PFKFB3: variants seen among roughly 807,000 people sequenced by gnomAD.
PFKFB3 encodes 6-phosphofructo-2-kinase/fructose-2,6-biphosphatase 3, also known as 6-phosphofructo-2-kinase/fructose-2,6-bisphosphatase 3.
A neutral mutation model predicts 68.0 loss-of-function variants in PFKFB3; 33 were observed. That is an observed-to-expected ratio of 0.49 (90% CI 0.37 to 0.65). PFKFB3 has a LOEUF of 0.65. PFKFB3 is among the 30% of genes least tolerant of loss of function. The pLI is 0.00. For synonymous variants in PFKFB3, 315 were observed against 288.2 expected, an observed-to-expected ratio of 1.09 and a Z score of -0.94; for missense variants, 586 against 712.2, an observed-to-expected ratio of 0.82 and a Z score of 2.02.
chr10:6,174,423 C>A (rs2148288), intron 1 of PFKFB3, among the ~76,000 whole-genome samples: 2 of 152,094 alleles, frequency 1.3e-5, no homozygotes, highest in African/African-American at 4.8e-5. Flanking sequence ...TGCCTGGCCA[C>A]GTCACACTGG....
At chr10:6,218,363 G>C (rs1452654297) in intron 6 of PFKFB3, among the ~76,000 whole-genome samples, 1 of 146,218 alleles carries the variant, frequency 6.8e-6, no homozygotes. Flanking sequence ...TTTTTAAATT[G>C]TGGTAAAATA....
chr10:6,289,198 CTTTAG>C, the PFKFB3 span, among the ~76,000 whole-genome samples: 1 of 134,670 alleles, frequency 7.4e-6, no homozygotes, highest in Non-Finnish European at 1.6e-5. Flanking sequence ...TGCAGAAGCT[CTTTAG>C]TTTAATTAGA....
the PFKFB3 span, among the ~76,000 whole-genome samples, chr10:6,295,023 T>C: frequency 2.0e-5 from 3 of 151,806 alleles, no homozygotes; most frequent in African/African-American, 7.3e-5. Flanking sequence ...AAGTCAGATA[T>C]GATGTATTGG....
Position 6,154,675 on chromosome 10 carries a change from G to A in PFKFB3, c.16+9662G>A, listed in dbSNP as rs996364306. 1.3e-5 allele frequency among the ~76,000 whole-genome samples: 2 copies of A among 152,224 alleles called. No individual in the cohort carries two copies. The highest frequency in any genetic ancestry group is 6.5e-5 in the Admixed American group (1 of 15,282). ...CTCTGGGCCTGCTGCAGGTGGCTGC[G>A]ATCAGGGTGGTGTTGGGGGTGGCTG... On this transcript the variant is annotated intron_variant, in intron 1 of 14. Coordinates refer to the PFKFB3 transcript ENST00000379789. The surrounding 1 kb of genome is among the most constrained non-coding windows in gnomAD (Gnocchi z 4.6).
At chr10:6,180,945 A>T (rs1842695311) in intron 1 of PFKFB3, among the ~76,000 whole-genome samples, 1 of 152,220 alleles carries the variant, frequency 6.6e-6, no homozygotes, top group Admixed American at 6.5e-5. Context: ...ATACCTCTTT[A>T]AAAGATAAAG....
At chr10:6,219,734 G>A (rs1452112709) in intron 7 of PFKFB3, 41 bp downstream of exon 7, 1 of 1,598,130 alleles carries the variant, frequency 6.3e-7, no homozygotes, top group Admixed American at 1.7e-5. Context: ...ACCCACATGA[G>A]GGTTCTTACT....
At chr10:6,169,875 T>C (rs1280449915) in intron 1 of PFKFB3, among the ~76,000 whole-genome samples, 1 of 152,228 alleles carries the variant, frequency 6.6e-6, no homozygotes, top group Non-Finnish European at 1.5e-5. Flanking sequence ...GTGTATTTCC[T>C]TAAACCTTTC....
chr10:6,209,529 A>G (rs983225671), intron 1 of PFKFB3, among the ~76,000 whole-genome samples: 5 of 151,862 alleles, frequency 3.3e-5, no homozygotes, highest in Admixed American at 6.6e-5. Context: ...GCTGGAGTGC[A>G]TTGGTACAAT....
rs892980743 is a variant in PFKFB3 at position 6,234,743 on chromosome 10, C to T, written c.*1801C>T. 6.6e-6 allele frequency: 1 copy of T among 152,298 alleles called. No homozygotes were observed. Among genetic ancestry groups the T allele is most frequent in the Non-Finnish European group, 1.5e-5 (1 of 68,038 alleles). 9.4% of individuals were successfully genotyped at this position (152,298 alleles called of 1,614,324 possible). ...GTTGCTTTGCTCTTGAGAATAGTTT[C>T]TCGTGTCCCCCTCGCAGGCCTCATT... On this transcript the variant is annotated 3_prime_UTR_variant, in exon 15 of 15. Transcript: ENST00000379775.
chr10:6,146,339 G>A (rs530198466), intron 1 of PFKFB3: 33 of 1,530,148 alleles, frequency 2.2e-5, no homozygotes, highest in Non-Finnish European at 2.5e-5. Context: ...GGCGGTGAAG[G>A]GGGTGGCTGC....
the PFKFB3 span, among the ~76,000 whole-genome samples, chr10:6,268,822 G>A: frequency 2.0e-5 from 3 of 151,272 alleles, no homozygotes; most frequent in African/African-American, 4.9e-5. Flanking sequence ...AGGAGTTCGA[G>A]ACCAGCCTAG....
At chr10:6,183,601 CAA>C (rs773888395) in intron 1 of PFKFB3, among the ~76,000 whole-genome samples, 5,610 of 127,664 alleles carry the variant, frequency 0.044, 107 homozygotes, top group Middle Eastern at 0.063. Flanking sequence ...CCAGCCTGGT[CAA>C]AAAAAAAAAA....
intron 1 of PFKFB3, among the ~76,000 whole-genome samples, chr10:6,171,439 G>A (rs1842310450): frequency 6.8e-6 from 1 of 147,312 alleles, no homozygotes; most frequent in African/African-American, 2.5e-5. Flanking sequence ...TCTGTTGCTC[G>A]GGTTGAAGTG....
At chr10:6,192,624 A>G (rs989615816) in intron 1 of PFKFB3, among the ~76,000 whole-genome samples, 5 of 151,034 alleles carry the variant, frequency 3.3e-5, no homozygotes, top group African/African-American at 1.2e-4. Context: ...GTCCTGGGTT[A>G]GGAAACTCAG....
the PFKFB3 span, among the ~76,000 whole-genome samples, chr10:6,281,665 T>G: frequency 1.3e-5 from 2 of 152,120 alleles, no homozygotes; most frequent in Non-Finnish European, 2.9e-5. Flanking sequence ...TTCTTTCTTT[T>G]CTATGCTTTT....
At chr10:6,317,422 C>T in the PFKFB3 span, among the ~76,000 whole-genome samples, 1 of 152,144 alleles carries the variant, frequency 6.6e-6, no homozygotes, top group African/African-American at 2.4e-5. Context: ...AAGCTGGCAT[C>T]TTAGGCTAAA....
At chr10:6,254,097 C>CT (rs34789693) in intron 14 of PFKFB3, 24,876 of 329,792 alleles carry the variant, frequency 0.075, 1,547 homozygotes, top group African/African-American at 0.21. Flanking sequence ...TTTCAGATGG[C>CT]TTTTTTTTTT....
intron 1 of PFKFB3, among the ~76,000 whole-genome samples, chr10:6,158,499 A>G (rs1287789253): frequency 6.6e-6 from 1 of 152,128 alleles, no homozygotes; most frequent in Non-Finnish European, 1.5e-5. Flanking sequence ...CCCCTCACAC[A>G]TTGCTGGTGG....
At chr10:6,268,040 A>C in the PFKFB3 span, among the ~76,000 whole-genome samples, 1 of 151,384 alleles carries the variant, frequency 6.6e-6, no homozygotes, top group Non-Finnish European at 1.5e-5. Context: ...TGTCCTGAGC[A>C]TGGGGCCCTG....
Sources: gnomAD v4.1 joint callset for allele counts (sites outside exome capture counted in the v4.1 genomes callset) on GRCh38, gnomAD v4.1.1 for gene constraint, Gnocchi (gnomAD v3.1) non-coding constraint, MANE v1.5 for transcripts, NCBI Gene and HGNC (gene_info 2026-07-23, HGNC 2026-07-21) for gene names.